PTPN22: variants seen among roughly 807,000 people sequenced by gnomAD.
PTPN22 encodes protein tyrosine phosphatase non-receptor type 22.
PTPN22 carries 85 observed loss-of-function variants against 103.3 expected under a neutral mutation model. The observed-to-expected ratio is 0.82, with a 90% CI of 0.69 to 0.99. The LOEUF is 0.99. PTPN22 is among the 50% of genes least tolerant of loss of function. The pLI, the probability that PTPN22 is intolerant of heterozygous loss-of-function variation, is 0.00. For synonymous variants in PTPN22, 323 were observed against 310.2 expected (o/e 1.04, Z -0.43); for missense variants, 865 against 936.9 (o/e 0.92, Z 1.00).
intron 11 of PTPN22, 68 bp downstream of exon 11, chr1:113,848,472 A>T: frequency 1.9e-6 from 3 of 1,603,482 alleles, no homozygotes; most frequent in Non-Finnish European, 2.5e-6. Flanking sequence ...CCTGCAACAA[A>T]TCTGACATCC....
At chr1:113,816,863 C>T (rs190098704) in intron 20 of PTPN22, among the ~76,000 whole-genome samples, 11 of 152,212 alleles carry the variant, frequency 7.2e-5, no homozygotes, top group Admixed American at 5.9e-4. Flanking sequence ...GAGCTGAGAT[C>T]GTGCCACTGC....
At chr1:113,836,068 A>G (rs1338899441) in intron 13 of PTPN22, among the ~76,000 whole-genome samples, 1 of 152,202 alleles carries the variant, frequency 6.6e-6, no homozygotes, top group African/African-American at 2.4e-5. Context: ...CACAGAAGGA[A>G]CATCTTAGAT....
At position 113,852,137 on chromosome 1, in the gene PTPN22, A is replaced by G. The variant is rs773307767; in HGVS notation, c.751-33T>C. The G allele has an allele frequency of 7.1e-5, 105 of 1,483,298 alleles. No homozygotes were observed. The Admixed American group carries it at 1.8e-3, about 25-fold the overall frequency. The allele number at this position is 1,483,298 out of a possible 1,614,324, so 91.9% of individuals were successfully genotyped here. ...ATTAAAGGGGAAAATATTCCTTTCA[A>G]TATTTTGTTAATAAATTATTGCTAC... On this transcript the variant is annotated intron_variant, in intron 9 of 20. Transcript: ENST00000359785.
intron 18 of PTPN22, 26 bp from the exon 19 acceptor site, chr1:113,825,198 T>C (rs754748193): frequency 1.4e-6 from 2 of 1,393,974 alleles, no homozygotes; most frequent in Non-Finnish European, 2.0e-6. Context: ...AAAATGTTAG[T>C]TTTTTTTCCT....
intron 7 of PTPN22, among the ~76,000 whole-genome samples, chr1:113,855,978 G>A (rs1665025994): frequency 6.6e-6 from 1 of 152,198 alleles, no homozygotes; most frequent in Non-Finnish European, 1.5e-5. Flanking sequence ...CCATGGTATA[G>A]AATAGATTGA....
intron 9 of PTPN22, among the ~76,000 whole-genome samples, chr1:113,853,718 G>A (rs1243713179): frequency 1.3e-5 from 2 of 151,108 alleles, no homozygotes; most frequent in Non-Finnish European, 2.9e-5. Context: ...GTCTCTCTCT[G>A]TCACCCAGGC....
rs1298382583 is a variant in PTPN22 at position 113,834,497 on chromosome 1, T to C, written c.1895-58A>G. 10 of 1,517,590 alleles carry C rather than the reference T, an allele frequency of 6.6e-6. 1 individual carries two copies. In the South Asian group the frequency reaches 1.0e-4, roughly 16 times the overall value. The allele number at this position is 1,517,590 out of a possible 1,614,324, so 94.0% of individuals were successfully genotyped here. A position where few individuals can be genotyped will look rare whatever the true frequency, so the allele number is the denominator to read the frequency against. ...GAATAGTATTCTTTTAGACATCAAA[T>C]GTTGCTCAGCAAATAATACATAAAA... On this transcript the variant is annotated intron_variant, in intron 14 of 20. Coordinates refer to ENST00000359785, the Ensembl canonical transcript of PTPN22.
At chr1:113,844,088 C>A (rs1159269319) in intron 11 of PTPN22, among the ~76,000 whole-genome samples, 1 of 152,058 alleles carries the variant, frequency 6.6e-6, no homozygotes. Flanking sequence ...TTTTCATTTT[C>A]TCCCTTTTTA....
At chr1:113,868,760 G>A (rs1262326657) in intron 1 of PTPN22, among the ~76,000 whole-genome samples, 1 of 152,120 alleles carries the variant, frequency 6.6e-6, no homozygotes. Flanking sequence ...ACCTGATGGG[G>A]CATGGGTCTT....
At chr1:113,836,067 A>G (rs1450404062) in intron 13 of PTPN22, among the ~76,000 whole-genome samples, 1 of 152,222 alleles carries the variant, frequency 6.6e-6, no homozygotes, top group Non-Finnish European at 1.5e-5. Flanking sequence ...TCACAGAAGG[A>G]ACATCTTAGA....
chr1:113,847,964 G>A (rs1465855814), intron 11 of PTPN22, among the ~76,000 whole-genome samples: 1 of 151,912 alleles, frequency 6.6e-6, no homozygotes, highest in Non-Finnish European at 1.5e-5. Context: ...CAAACTCCTA[G>A]GCTTGAACAA....
chr1:113,814,951 G>A lies in PTPN22; in HGVS notation c.2378C>T (p.Ser793Leu), dbSNP rs866332676. Reference sequence around the variant, plus strand: ...TGGATTCCTTGGTCCTTTGGGTTTTGAAAAACGGTTTGCAAAACCTGGGAA... The same window carrying A: ...TGGATTCCTTGGTCCTTTGGGTTTTAAAAAACGGTTTGCAAAACCTGGGAA... The change falls in exon 21 of 21, where the codon TCA becomes TTA. Residue 793 changes from serine to leucine, a missense_variant. Transcript: ENST00000359785. 5 of 1,606,806 alleles carry A rather than the reference G, an allele frequency of 3.1e-6. No individual in the cohort carries two copies. The highest frequency in any genetic ancestry group is 2.7e-5 in the African/African-American group (2 of 74,524).
chr1:113,826,859 C>T (rs887052020), intron 18 of PTPN22, among the ~76,000 whole-genome samples: 1 of 150,926 alleles, frequency 6.6e-6, no homozygotes, highest in Admixed American at 6.6e-5. Flanking sequence ...TTAGTAGAGA[C>T]GGGGTTTCAC....
chr1:113,834,888 A>G, intron 14 of PTPN22, 22 bp downstream of exon 14: 1 of 1,507,354 alleles, frequency 6.6e-7, no homozygotes, highest in Non-Finnish European at 9.0e-7. Flanking sequence ...ACTTTATTTT[A>G]TACTTACTGA....
At chr1:113,816,519 T>A (rs1174170796) in intron 20 of PTPN22, among the ~76,000 whole-genome samples, 33 of 151,702 alleles carry the variant, frequency 2.2e-4, no homozygotes, top group Admixed American at 2.2e-3. Context: ...TCATGGTGGC[T>A]CAAACCTATA....
At chr1:113,864,830 T>C (rs1665977828) in intron 1 of PTPN22, among the ~76,000 whole-genome samples, 1 of 151,194 alleles carries the variant, frequency 6.6e-6, no homozygotes, top group South Asian at 2.1e-4. Flanking sequence ...GAGAATAACT[T>C]GAACCCAGGA....
At chr1:113,816,611 T>C (rs779732484) in intron 20 of PTPN22, among the ~76,000 whole-genome samples, 7 of 151,688 alleles carry the variant, frequency 4.6e-5, no homozygotes, top group South Asian at 4.2e-4. Context: ...AAATGTTGCT[T>C]AAATTTCAAC....
Position 113,858,592 on chromosome 1 carries a change from T to A in PTPN22, c.274-19A>T. 6.8e-7 allele frequency: 1 copy of A among 1,461,928 alleles called. No homozygotes were observed. The highest frequency in any genetic ancestry group is 9.4e-7 in the Non-Finnish European group (1 of 1,064,122). The allele number at this position is 1,461,928 out of a possible 1,614,324, so 90.6% of individuals were successfully genotyped here. On this transcript the variant is annotated intron_variant, in intron 3 of 20. Coordinates refer to ENST00000359785, the Ensembl canonical transcript of PTPN22. ...AAACTCCCTAAAGGGGAACAGAAAT[T>A]ACACGGGGTGACTACAAATAATACC...
Position 113,838,418 on chromosome 1 carries a change from A to C in PTPN22, c.993-11T>G, listed in dbSNP as rs754007283. On this transcript the variant is annotated splice_polypyrimidine_tract_variant and intron_variant, in intron 12 of 20. Coordinates refer to ENST00000359785, the Ensembl canonical transcript of PTPN22. ...GCTGCTTTTGTGGTACTAAAACAAA[A>C]AGAAAGCGTAATGATGACACCATAC... 1 of 1,581,340 alleles carries C rather than the reference A, an allele frequency of 6.3e-7. No individual in the cohort carries two copies. Among genetic ancestry groups the C allele is most frequent in the East Asian group, 2.2e-5 (1 of 44,556 alleles).
Sources: gnomAD v4.1 joint callset for allele counts (sites outside exome capture counted in the v4.1 genomes callset) on GRCh38, gnomAD v4.1.1 for gene constraint, MANE v1.5 for transcripts, NCBI Gene and HGNC (gene_info 2026-07-23, HGNC 2026-07-21) for gene names.